The following FIGLA variants were observed in gnomAD, a reference collection of about 807,000 sequenced individuals.
The protein encoded by FIGLA is folliculogenesis specific bHLH transcription factor, also known as factor in the germline alpha.
In FIGLA, 17 loss-of-function variants were observed where a neutral mutation model predicts 21.5. The ratio of observed to expected loss-of-function variants is 0.79; its 90% CI spans 0.54 to 1.19. FIGLA has a LOEUF of 1.19. Ranked by LOEUF, FIGLA falls within the 50% of genes most tolerant of loss-of-function variation. The probability of loss-of-function intolerance (pLI) is 0.00; values close to 1 mark genes in which losing one functional copy is unlikely to be tolerated. For missense variants in FIGLA, 282 were observed against 285.0 expected, an observed-to-expected ratio of 0.99 and a Z score of 0.08; for synonymous variants, 129 against 117.6, an observed-to-expected ratio of 1.10 and a Z score of -0.63.
intron 3 of FIGLA, among the ~76,000 whole-genome samples, chr2:70,780,117 G>T (rs1393221959): frequency 6.6e-6 from 1 of 152,126 alleles, no homozygotes; most frequent in Admixed American, 6.5e-5. Context: ...AACTTCTGGG[G>T]CTCTGGCCCC....
At chr2:70,782,405 G>T (rs1451596962) in intron 3 of FIGLA, among the ~76,000 whole-genome samples, 1 of 152,152 alleles carries the variant, frequency 6.6e-6, no homozygotes, top group African/African-American at 2.4e-5. Flanking sequence ...ATCTCCAAAC[G>T]TGTCATGGTT....
intron 1 of FIGLA, among the ~76,000 whole-genome samples, chr2:70,788,664 G>A (rs2104603064): frequency 6.6e-6 from 1 of 152,278 alleles, no homozygotes; most frequent in South Asian, 2.1e-4. Flanking sequence ...CAACCACTCA[G>A]TGTATAAAAA....
intron 1 of FIGLA, among the ~76,000 whole-genome samples, chr2:70,788,022 T>C (rs1675987554): frequency 6.6e-6 from 1 of 152,196 alleles, no homozygotes; most frequent in South Asian, 2.1e-4. Context: ...CTGCAAGGTG[T>C]GTTCATGTTC....
intron 2 of FIGLA, among the ~76,000 whole-genome samples, chr2:70,786,761 C>T (rs1553390104): frequency 6.6e-6 from 1 of 152,128 alleles, no homozygotes; most frequent in African/African-American, 2.4e-5. Flanking sequence ...TTCCCCCAGT[C>T]CTGGCCTTCT....
At chr2:70,782,776 T>A (rs759139806) in intron 3 of FIGLA, among the ~76,000 whole-genome samples, 4 of 152,164 alleles carry the variant, frequency 2.6e-5, no homozygotes, top group Non-Finnish European at 5.9e-5. Context: ...TTTTTAATTT[T>A]AAAAATTAAT....
intron 3 of FIGLA, among the ~76,000 whole-genome samples, chr2:70,779,946 C>G (rs377176269): frequency 3.3e-5 from 5 of 152,142 alleles, no homozygotes; most frequent in Non-Finnish European, 7.3e-5. Flanking sequence ...AATGCCAACC[C>G]CAATATGGCA....
At chr2:70,789,006 T>C (rs1446267313) in intron 1 of FIGLA, among the ~76,000 whole-genome samples, 1 of 152,074 alleles carries the variant, frequency 6.6e-6, no homozygotes, top group Admixed American at 6.5e-5. Context: ...TGCCTAACAA[T>C]AAGAGACTGA....
In FIGLA at chr2:70,790,437, G is replaced by T; in HGVS notation, c.202C>A (p.Arg68Ser). 6.5e-7 allele frequency: 1 copy of T among 1,541,760 alleles called. No homozygotes were observed. Among genetic ancestry groups the T allele is most frequent in the South Asian group, 1.2e-5 (1 of 83,282 alleles). Residue 68 changes from arginine to serine, a missense_variant, in exon 1 of 5, where the codon CGT (arginine) becomes AGT (serine). By Grantham distance (110) the Arg-to-Ser change is moderately radical. Coordinates refer to ENST00000332372, the MANE Select transcript of FIGLA (RefSeq NM_001004311.3). ...TCACGCTCCTTGGCGTTGGCCACACGCCGCCGCTCCAGCACCAACTGGAGG... is the reference window on the plus strand; with the variant it reads ...TCACGCTCCTTGGCGTTGGCCACACTCCGCCGCTCCAGCACCAACTGGAGG... ...ENLQLVLERR[R>S]VANAKERERI...
At chr2:70,787,923 A>G in intron 1 of FIGLA, 122 bp from the exon 2 acceptor site, 1 of 959,046 alleles carries the variant, frequency 1.0e-6, no homozygotes. Flanking sequence ...AAACAGGCAT[A>G]TGCCCCAAAG....
chr2:70,785,443 G>A lies in FIGLA; in HGVS notation c.581C>T (p.Thr194Ile), dbSNP rs1553389788. The change falls in exon 3 of 5, where the codon ACT becomes ATT. Residue 194 changes from threonine to isoleucine, a missense_variant. Coordinates refer to ENST00000332372, the MANE Select transcript of FIGLA (RefSeq NM_001004311.3). ...HACRHSVMSTTEIISPTRSLD... is the reference protein window; with the variant it reads ...HACRHSVMSTIEIISPTRSLD... ...ACTTCTGGTTGGGGAGATAATTTCA[G>A]TCGTAGACATCACACTGTGGCGACA... is the stretch of plus-strand genomic sequence containing the variant. 6.2e-7 allele frequency: 1 copy of A among 1,613,566 alleles called. No individual in the cohort carries two copies. Among genetic ancestry groups the A allele is most frequent in the East Asian group, 2.2e-5 (1 of 44,880 alleles).
At chr2:70,778,779 G>A (rs552428590) in intron 3 of FIGLA, among the ~76,000 whole-genome samples, 1 of 152,342 alleles carries the variant, frequency 6.6e-6, no homozygotes, top group Non-Finnish European at 1.5e-5. Flanking sequence ...GGTCCAAGAA[G>A]AGGGTAGTCT....
At chr2:70,784,834 G>A (rs1050305056) in intron 3 of FIGLA, among the ~76,000 whole-genome samples, 6 of 151,976 alleles carry the variant, frequency 3.9e-5, no homozygotes, top group African/African-American at 1.5e-4. Flanking sequence ...ACTTGGAGAA[G>A]CATGCTGCCA....
At position 70,790,532 on chromosome 2, in the gene FIGLA, G is replaced by A; in HGVS notation, c.107C>T (p.Pro36Leu). 1 of 1,537,390 alleles carries A rather than the reference G, an allele frequency of 6.5e-7. No individual in the cohort carries two copies. Residue 36 changes from proline (P) to leucine (L), a missense_variant, in exon 1 of 5, where the codon CCG becomes CTG. Coordinates refer to ENST00000332372, the MANE Select transcript of FIGLA (RefSeq NM_001004311.3). Reference sequence around the variant, plus strand: ...GCAGACAGCGGCCAGCTGGGGCAGCGGCCCGAACTGCTCCCGCAACACGTC... The same window carrying A: ...GCAGACAGCGGCCAGCTGGGGCAGCAGCCCGAACTGCTCCCGCAACACGTC... ...LEDVLREQFG[P>L]LPQLAAVCRL...
At chr2:70,790,156 G>A (rs1448448213) in intron 1 of FIGLA, among the ~76,000 whole-genome samples, 1 of 152,180 alleles carries the variant, frequency 6.6e-6, no homozygotes, top group African/African-American at 2.4e-5. Context: ...CCCAGACCCG[G>A]GTCCTGCACA....
At chr2:70,781,646 A>G (rs1271596110) in intron 3 of FIGLA, among the ~76,000 whole-genome samples, 1 of 152,218 alleles carries the variant, frequency 6.6e-6, no homozygotes, top group African/African-American at 2.4e-5. Context: ...TACAATGTGG[A>G]TGATCTCAAG....
chr2:70,790,485 C>A lies in FIGLA; in HGVS notation c.154G>T (p.Gly52Cys), dbSNP rs554656682. 1 of 1,543,914 alleles carries A rather than the reference C, an allele frequency of 6.5e-7. No homozygotes were observed. The highest frequency in any genetic ancestry group is 1.2e-5 in the South Asian group (1 of 83,842). ...AGGTTTTCAGTGGACGAGTAGCCGC[C>A]CGAGGGCAGCCGCTTGAGCCGGCAG... ...AVCRLKRLPSGGYSSTENLQL... is the reference protein window; with the variant it reads ...AVCRLKRLPSCGYSSTENLQL... The change falls in exon 1 of 5, where the codon GGC (glycine) becomes TGC (cysteine). Residue 52 changes from glycine to cysteine, a missense_variant. Coordinates refer to ENST00000332372, the MANE Select transcript of FIGLA (RefSeq NM_001004311.3).
chr2:70,788,730 T>C (rs1225813720), intron 1 of FIGLA, among the ~76,000 whole-genome samples: 1 of 152,246 alleles, frequency 6.6e-6, no homozygotes, highest in East Asian at 1.9e-4. Context: ...CCATTTTTTA[T>C]GTATCAAGGT....
At chr2:70,784,281 G>C (rs1184289107) in intron 3 of FIGLA, among the ~76,000 whole-genome samples, 2 of 152,098 alleles carry the variant, frequency 1.3e-5, no homozygotes, top group Admixed American at 6.5e-5. Context: ...TGAGAGCCAA[G>C]TGAGAAAACT....
At position 70,780,053 on chromosome 2, in the gene FIGLA, T is replaced by C. The variant is rs547772891; in HGVS notation, c.610-2382A>G. ...CAACACCACATGCTGTGGCTTCTCA[T>C]GGCTCACGGCCCTCTCTGTCTGCAC... On this transcript the variant is annotated intron_variant, in intron 3 of 4. Coordinates refer to ENST00000332372, the MANE Select transcript of FIGLA (RefSeq NM_001004311.3). Among the ~76,000 whole-genome samples the C allele has an allele frequency of 1.6e-4, 25 of 152,304 alleles. 1 individual carries two copies. The South Asian group carries it at 5.0e-3, about 30-fold the overall frequency.
Sources: gnomAD v4.1 joint callset for allele counts (sites outside exome capture counted in the v4.1 genomes callset) on GRCh38, gnomAD v4.1.1 for gene constraint, MANE v1.5 for transcripts, NCBI Gene and HGNC (gene_info 2026-07-23, HGNC 2026-07-21) for gene names.